Variants in CCDC169 observed in about 807,000 individuals in gnomAD.
CCDC169 encodes the protein coiled-coil domain containing 169.
Under a neutral mutation model 36.0 loss-of-function variants are expected in CCDC169, and 30 were observed. The ratio of observed to expected loss-of-function variants is 0.83; its 90% CI spans 0.62 to 1.13. The LOEUF (loss-of-function observed/expected upper bound fraction) is 1.13, where lower values mean the gene tolerates loss of function less well. Among genes scored for constraint, CCDC169 ranks in the 50% most tolerant of loss-of-function variants. The probability of loss-of-function intolerance (pLI) is 0.00; values close to 1 mark genes in which losing one functional copy is unlikely to be tolerated. For missense variants in CCDC169, 245 were observed against 245.9 expected, an observed-to-expected ratio of 1.00 and a Z score of 0.03; for synonymous variants, 85 against 81.5, an observed-to-expected ratio of 1.04 and a Z score of -0.23.
intron 4 of CCDC169, among the ~76,000 whole-genome samples, chr13:36,281,940 A>T (rs1877592324): frequency 6.6e-6 from 1 of 152,246 alleles, no homozygotes. Context: ...AATTATATTA[A>T]AATGAAGTCC....
At chr13:36,295,299 G>A (rs1373012839) in intron 2 of CCDC169, among the ~76,000 whole-genome samples, 2 of 152,146 alleles carry the variant, frequency 1.3e-5, no homozygotes, top group Non-Finnish European at 2.9e-5. Context: ...TTGACATATG[G>A]CAGGGTCATA....
rs1233278725 is a variant in CCDC169 at position 36,283,520 on chromosome 13, T to C, written c.275-11A>G. On this transcript the variant is annotated splice_polypyrimidine_tract_variant and intron_variant, in intron 3 of 7. Coordinates refer to ENST00000239859, the MANE Select transcript of CCDC169 (RefSeq NM_001144981.3). ...TAGAAGATAGTCTATCTACAATAAA[T>C]CAAATATGAGCACTTAATGTTTTAT... 1.3e-6 allele frequency: 2 copies of C among 1,550,904 alleles called. No individual in the cohort carries two copies. The highest frequency in any genetic ancestry group is 1.7e-6 in the Non-Finnish European group (2 of 1,146,512).
intron 2 of CCDC169, among the ~76,000 whole-genome samples, chr13:36,287,057 C>T (rs1878341823): frequency 6.6e-6 from 1 of 152,110 alleles, no homozygotes; most frequent in Non-Finnish European, 1.5e-5. Context: ...ACATATGGTG[C>T]ATTTTTGTGT....
intron 6 of CCDC169, among the ~76,000 whole-genome samples, chr13:36,252,992 A>G (rs182480109): frequency 6.6e-6 from 1 of 152,240 alleles, no homozygotes; most frequent in East Asian, 1.9e-4. Context: ...ATCATAAATA[A>G]AAGATAGCTC....
At chr13:36,239,359 C>T (rs140032541) in intron 7 of CCDC169, among the ~76,000 whole-genome samples, 26 of 152,108 alleles carry the variant, frequency 1.7e-4, no homozygotes, top group African/African-American at 6.0e-4. Context: ...ATAGGGATCA[C>T]AATATGGTGT....
chr13:36,247,216 C>T (rs560792918), intron 7 of CCDC169, among the ~76,000 whole-genome samples: 1 of 152,268 alleles, frequency 6.6e-6, no homozygotes, highest in South Asian at 2.1e-4. Context: ...AATATTACTA[C>T]TTTTTGAGAA....
intron 4 of CCDC169, among the ~76,000 whole-genome samples, chr13:36,267,639 T>C (rs1875505646): frequency 6.6e-6 from 1 of 152,182 alleles, no homozygotes; most frequent in Non-Finnish European, 1.5e-5. Flanking sequence ...ATGGTCTAAA[T>C]GCTCTGCTTA....
intron 7 of CCDC169, among the ~76,000 whole-genome samples, chr13:36,247,001 A>G (rs1872577785): frequency 6.6e-6 from 1 of 152,224 alleles, no homozygotes. Context: ...TGTCTAATGC[A>G]GCCAGTGAGT....
At chr13:36,268,081 CAACA>C (rs1279887902) in intron 4 of CCDC169, among the ~76,000 whole-genome samples, 15 of 152,042 alleles carry the variant, frequency 9.9e-5, no homozygotes, top group South Asian at 2.1e-4. Flanking sequence ...GACAGAAAGT[CAACA>C]AACAATGAAC....
In CCDC169 at chr13:36,261,543, C is replaced by T. The variant is rs1309366022; in HGVS notation, c.316-7400G>A. 2.6e-5 allele frequency among the ~76,000 whole-genome samples: 4 copies of T among 152,296 alleles called. No individual in the cohort carries two copies. In the East Asian group the frequency reaches 5.8e-4, roughly 22 times the overall value. ...AGAAGGAAGTTTGTTTGTTTTTTCA[C>T]TCAAAAGGGCTCCTTTAGGCCAAAA... On this transcript the variant is annotated intron_variant, in intron 4 of 7. Coordinates refer to ENST00000239859, the MANE Select transcript of CCDC169 (RefSeq NM_001144981.3).
At chr13:36,228,807 T>TC (rs960893711), downstream of CCDC169, among the ~76,000 whole-genome samples, 1 of 152,116 alleles carries the variant, frequency 6.6e-6, no homozygotes, top group Non-Finnish European at 1.5e-5. Flanking sequence ...CGCCTCACCC[T>TC]CCCAAAGTGA....
At chr13:36,237,983 A>G (rs1871288990) in intron 7 of CCDC169, among the ~76,000 whole-genome samples, 1 of 152,194 alleles carries the variant, frequency 6.6e-6, no homozygotes, top group Admixed American at 6.6e-5. Context: ...TGATGTTTGC[A>G]CAATGACAAA....
intron 4 of CCDC169, among the ~76,000 whole-genome samples, chr13:36,263,101 G>A (rs1385635530): frequency 1.3e-5 from 2 of 151,930 alleles, no homozygotes; most frequent in African/African-American, 4.8e-5. Context: ...GGAGAGGGAG[G>A]GATTAATAGA....
intron 4 of CCDC169, chr13:36,282,611 G>A (rs1004432186): frequency 1.1e-5 from 9 of 848,504 alleles, no homozygotes; most frequent in African/African-American, 1.8e-5. Flanking sequence ...CCCACTCTTC[G>A]TTGTGCTAAT....
downstream of CCDC169, chr13:36,225,960 A>G (rs990791719): frequency 3.9e-5 from 6 of 152,206 alleles, no homozygotes; most frequent in Admixed American, 3.3e-4. Flanking sequence ...GAGACTGTGG[A>G]GAAAAGGGAA....
At chr13:36,233,931 T>G (rs1036030877) in intron 7 of CCDC169, among the ~76,000 whole-genome samples, 1 of 152,174 alleles carries the variant, frequency 6.6e-6, no homozygotes, top group Non-Finnish European at 1.5e-5. Flanking sequence ...CTAATGCAAC[T>G]GTGCCACCTC....
At chr13:36,252,426 C>A (rs907141820) in intron 6 of CCDC169, among the ~76,000 whole-genome samples, 1 of 152,184 alleles carries the variant, frequency 6.6e-6, no homozygotes, top group African/African-American at 2.4e-5. Context: ...TAGCTCTAAT[C>A]CCCAAACCTA....
At chr13:36,223,646 T>C (rs917061402), downstream of CCDC169, 1 of 152,180 alleles carries the variant, frequency 6.6e-6, no homozygotes, top group Non-Finnish European at 1.5e-5. Context: ...TATTCTGGTA[T>C]ACTCTGCCCT....
exon 7 of CCDC169, chr13:36,222,028 A>G (rs1476507264): frequency 6.6e-6 from 1 of 152,216 alleles, no homozygotes; most frequent in Non-Finnish European, 1.5e-5. Context: ...AGATTTTAAA[A>G]TATTTTCTTT....
Sources: allele counts gnomAD v4.1 joint callset (sites outside exome capture counted in the v4.1 genomes callset), GRCh38; gene constraint gnomAD v4.1.1; transcripts MANE v1.5; gene names NCBI Gene and HGNC (gene_info 2026-07-23, HGNC 2026-07-21).